CSMD1: variants seen among roughly 807,000 people sequenced by gnomAD.
CSMD1 encodes CUB and sushi domain-containing protein 1.
In CSMD1, 213 loss-of-function variants were observed where a neutral mutation model predicts 417.5. The observed-to-expected ratio is 0.51, with a 90% CI of 0.46 to 0.57. The LOEUF is 0.57. Among genes scored for constraint, CSMD1 ranks in the 20% least tolerant of loss-of-function variants. CSMD1 has a pLI of 0.00. For synonymous variants in CSMD1, 2,862 were observed against 1,736.8 expected (o/e 1.65, Z -16.11); for missense variants, 6,923 against 4,529.7 (o/e 1.53, Z -15.17).
At chr8:3,712,782 T>G (rs117408936) in intron 6 of CSMD1, among the ~76,000 whole-genome samples, 2,593 of 152,254 alleles carry the variant, frequency 0.017, 46 homozygotes, top group Non-Finnish European at 0.023. Flanking sequence ...GTCTGTTGGG[T>G]AAGGTGATTC....
At chr8:4,530,076 G>A (rs916280356) in intron 2 of CSMD1, among the ~76,000 whole-genome samples, 24 of 151,322 alleles carry the variant, frequency 1.6e-4, no homozygotes, top group African/African-American at 4.4e-4. Flanking sequence ...CACCACGCCC[G>A]ACTAGTTTTT....
intron 11 of CSMD1, 168 bp from the exon 12 acceptor site, chr8:3,468,992 C>T: frequency 2.1e-6 from 1 of 469,270 alleles, no homozygotes; most frequent in Non-Finnish European, 3.8e-6. Flanking sequence ...AATATTCAAA[C>T]ATCACTATCA....
intron 26 of CSMD1, among the ~76,000 whole-genome samples, chr8:3,240,422 G>C (rs1237100558): frequency 1.2e-5 from 1 of 85,018 alleles, no homozygotes; most frequent in African/African-American, 3.4e-5. Flanking sequence ...GCCTAGGAAG[G>C]AAAGGAGTTG....
chr8:3,531,920 G>C (rs968525815), intron 10 of CSMD1, among the ~76,000 whole-genome samples: 1 of 152,122 alleles, frequency 6.6e-6, no homozygotes, highest in Non-Finnish European at 1.5e-5. Context: ...AAAGAAATGA[G>C]CAACATGCAG....
chr8:3,753,906 T>C (rs1192811256), intron 6 of CSMD1, 24 bp downstream of exon 6: 7 of 1,502,900 alleles, frequency 4.7e-6, no homozygotes, highest in South Asian at 4.6e-5. Flanking sequence ...TTTTTTTTTT[T>C]CTTATAAGAT....
intron 3 of CSMD1, among the ~76,000 whole-genome samples, chr8:4,115,807 T>C (rs1802103918): frequency 6.6e-6 from 1 of 151,862 alleles, no homozygotes; most frequent in African/African-American, 2.4e-5. Context: ...GTAAATCATA[T>C]TTCTCAGTAA....
At chr8:4,139,775 T>C (rs2131011488) in intron 3 of CSMD1, among the ~76,000 whole-genome samples, 1 of 151,190 alleles carries the variant, frequency 6.6e-6, no homozygotes, top group Admixed American at 6.5e-5. Flanking sequence ...ACTTAGATGT[T>C]TGCACACTGA....
At chr8:4,279,387 C>A in intron 3 of CSMD1, among the ~76,000 whole-genome samples, 1 of 152,158 alleles carries the variant, frequency 6.6e-6, no homozygotes, top group Non-Finnish European at 1.5e-5. Flanking sequence ...AAGTATCTTC[C>A]TGGATTCTGA....
chr8:4,668,486 G>A (rs1247352394), intron 1 of CSMD1, among the ~76,000 whole-genome samples: 1 of 148,792 alleles, frequency 6.7e-6, no homozygotes, highest in Non-Finnish European at 1.5e-5. Flanking sequence ...GTCTCGCTCT[G>A]TCACCCAGGC....
At chr8:4,199,165 C>G (rs1190999905) in intron 3 of CSMD1, among the ~76,000 whole-genome samples, 1 of 152,130 alleles carries the variant, frequency 6.6e-6, no homozygotes, top group Non-Finnish European at 1.5e-5. Flanking sequence ...TCCAGCACAG[C>G]ACTGGGGATG....
rs773635205 is a variant in CSMD1, at chr8:3,223,787, C to A, written c.4426G>T (p.Glu1476Ter). 1 of 1,613,922 alleles carries A rather than the reference C, an allele frequency of 6.2e-7. No individual in the cohort carries two copies. Among genetic ancestry groups the A allele is most frequent in the Non-Finnish European group, 8.5e-7 (1 of 1,179,844 alleles). Residue 1476 changes from glutamate (E) to a stop codon, truncating the protein, a stop_gained, in exon 28 of 70, where the codon GAA becomes TAA. Transcript: ENST00000635120. LOFTEE classifies it high-confidence loss of function. ...TTCACTTTTACTCTCCAGTCACATT[C>A]CTTCCCAGGAGGATACGGCTGTGGG... is the stretch of plus-strand genomic sequence containing the variant. ...NYPQPYPPGK[E>*]CDWRVKVNPD... is the part of the protein sequence containing the mutation.
intron 1 of CSMD1, among the ~76,000 whole-genome samples, chr8:4,870,219 TC>T (rs1195761379): frequency 4.6e-5 from 7 of 152,164 alleles, no homozygotes; most frequent in Non-Finnish European, 1.0e-4. Flanking sequence ...TGGTCCTTCT[TC>T]ATCCCACAAC....
At chr8:4,434,854 C>T (rs1336834087) in intron 2 of CSMD1, among the ~76,000 whole-genome samples, 5 of 152,148 alleles carry the variant, frequency 3.3e-5, no homozygotes, top group East Asian at 1.9e-4. Flanking sequence ...CCTGGGCAAC[C>T]GCAAGAACAA....
intron 1 of CSMD1, among the ~76,000 whole-genome samples, chr8:4,951,487 C>T (rs914963963): frequency 1.5e-5 from 2 of 130,056 alleles, no homozygotes; most frequent in Non-Finnish European, 3.3e-5. Context: ...GAAAAGGAAA[C>T]AGAACAGGGA....
intron 42 of CSMD1, among the ~76,000 whole-genome samples, chr8:3,115,221 G>C: frequency 1.0e-5 from 1 of 97,984 alleles, no homozygotes; most frequent in South Asian, 3.4e-4. Flanking sequence ...TTTTTTTTGA[G>C]ATGGAGTTTT....
In CSMD1 at chr8:3,730,735, A is replaced by T. The variant is rs143838010; in HGVS notation, c.932-22244T>A. Among the ~76,000 whole-genome samples, 72 of 152,304 alleles carry T rather than the reference A, an allele frequency of 4.7e-4. 3 individuals carry two copies. In the East Asian group the frequency reaches 0.011, roughly 22 times the overall value. On this transcript the variant is annotated intron_variant, in intron 6 of 69. Transcript: ENST00000635120. ...TAAACAGACCTAGAAACTTATTCACAGTTCTATGCAGATAGGACCAGAGTT... is the reference window on the plus strand; with the variant it reads ...TAAACAGACCTAGAAACTTATTCACTGTTCTATGCAGATAGGACCAGAGTT...
chr8:4,606,796 T>A (rs1800892214), intron 2 of CSMD1, among the ~76,000 whole-genome samples: 3 of 152,190 alleles, frequency 2.0e-5, no homozygotes, highest in African/African-American at 7.2e-5. Context: ...GGGAGTATCA[T>A]TTCTCCCCAA....
At chr8:3,864,671 C>T (rs879807153) in intron 5 of CSMD1, among the ~76,000 whole-genome samples, 1 of 152,068 alleles carries the variant, frequency 6.6e-6, no homozygotes, top group Admixed American at 6.6e-5. Context: ...GAAGAAGACA[C>T]TTTCGACTGA....
intron 5 of CSMD1, among the ~76,000 whole-genome samples, chr8:3,881,571 G>C (rs1175887524): frequency 2.8e-5 from 4 of 142,944 alleles, no homozygotes; most frequent in African/African-American, 1.0e-4. Flanking sequence ...AGCCATTGCA[G>C]TCCAGCCTGC....
Sources: allele counts gnomAD v4.1 joint callset (sites outside exome capture counted in the v4.1 genomes callset), GRCh38; gene constraint gnomAD v4.1.1; transcripts MANE v1.5; gene names NCBI Gene and HGNC (gene_info 2026-07-23, HGNC 2026-07-21).